DPP3: variants seen among roughly 807,000 people sequenced by gnomAD.
DPP3 encodes dipeptidyl peptidase 3.
DPP3 carries 64 observed loss-of-function variants against 89.8 expected under a neutral mutation model. The ratio of observed to expected loss-of-function variants is 0.71; its 90% CI spans 0.58 to 0.88. The LOEUF is 0.88. Ranked by LOEUF, DPP3 falls within the 40% of genes least tolerant of loss-of-function variation. DPP3 has a pLI of 0.00. For synonymous variants in DPP3, 377 were observed against 404.3 expected (o/e 0.93, Z 0.81); for missense variants, 835 against 972.5 (o/e 0.86, Z 1.88).
At chr11:66,490,208 CTTGT>C (rs984797744) in intron 6 of DPP3, among the ~76,000 whole-genome samples, 1 of 144,396 alleles carries the variant, frequency 6.9e-6, no homozygotes, top group African/African-American at 2.5e-5. Flanking sequence ...GCTATTTTTG[CTTGT>C]TTGTTTGTTT....
chr11:66,509,094 T>C lies in DPP3; in HGVS notation c.2057T>C (p.Leu686Pro). The change falls in exon 18 of 18, where the codon CTT (leucine) becomes CCT (proline). Residue 686 changes from leucine (L) to proline (P), a missense_variant. Physicochemically the swap from Leu to Pro is moderately conservative, Grantham distance 98. Coordinates refer to ENST00000531863, the MANE Select transcript of DPP3 (RefSeq NM_130443.4). Reference sequence around the variant, plus strand: ...TCCTCCCCAGGCTCAGACGTGCAGCTTCTGGAATACGAGGCGTCAGCTGCT... The same window carrying C: ...TCCTCCCCAGGCTCAGACGTGCAGCCTCTGGAATACGAGGCGTCAGCTGCT... ...NTRLEGSDVQ[L>P]LEYEASAAGL... 6.2e-7 allele frequency: 1 copy of C among 1,614,110 alleles called. No individual in the cohort carries two copies. The highest frequency in any genetic ancestry group is 8.5e-7 in the Non-Finnish European group (1 of 1,179,990).
intron 15 of DPP3, among the ~76,000 whole-genome samples, chr11:66,496,746 G>C (rs1021988131): frequency 6.6e-6 from 1 of 152,122 alleles, no homozygotes; most frequent in Admixed American, 6.6e-5. Flanking sequence ...AATCAAATAG[G>C]TGTGGTTTGA....
intron 16 of DPP3, among the ~76,000 whole-genome samples, chr11:66,502,974 TTATTA>T (rs1402267217): frequency 6.6e-6 from 1 of 152,064 alleles, no homozygotes; most frequent in Non-Finnish European, 1.5e-5. Context: ...TTTTATTTAT[TTATTA>T]TTTTTTTGAG....
At chr11:66,487,595 C>T (rs1024634410) in intron 5 of DPP3, among the ~76,000 whole-genome samples, 2 of 152,204 alleles carry the variant, frequency 1.3e-5, no homozygotes. Flanking sequence ...CTCAGCCACT[C>T]ACCAGCCATG....
At chr11:66,504,239 A>G (rs1053610166) in intron 16 of DPP3, among the ~76,000 whole-genome samples, 1 of 151,946 alleles carries the variant, frequency 6.6e-6, no homozygotes, top group South Asian at 2.1e-4. Context: ...GATTGCACGC[A>G]TGAGCCACCA....
At chr11:66,500,397 G>A (rs1413254784) in intron 16 of DPP3, among the ~76,000 whole-genome samples, 2 of 152,092 alleles carry the variant, frequency 1.3e-5, no homozygotes, top group Non-Finnish European at 2.9e-5. Flanking sequence ...AAGTGAAGGA[G>A]AAAAGATAAC....
rs1855213983 is a variant in DPP3, at chr11:66,485,924, TTTC to T, written c.361-613_361-611del. Among the ~76,000 whole-genome samples, 6 of 150,572 alleles carry T rather than the reference TTTC, an allele frequency of 4.0e-5. No individual in the cohort carries two copies. In the South Asian group the frequency reaches 1.3e-3, roughly 32 times the overall value. ...CCACACCAGCTAAATTTTCTTTTCTTTTCTTTTCTTTTCTTTTCTTTTCTTTTC... is the reference window on the plus strand; with the variant it reads ...CCACACCAGCTAAATTTTCTTTTCTTTTTTCTTTTCTTTTCTTTTCTTTTC... On this transcript the variant is annotated intron_variant, in intron 3 of 17. Transcript: ENST00000531863.
At chr11:66,506,354 A>G (rs959399948) in intron 17 of DPP3, among the ~76,000 whole-genome samples, 3 of 152,112 alleles carry the variant, frequency 2.0e-5, no homozygotes, top group Non-Finnish European at 4.4e-5. Flanking sequence ...TCCCGGGTTC[A>G]AGCGATTCTC....
At chr11:66,501,283 C>G (rs1163995030) in intron 16 of DPP3, among the ~76,000 whole-genome samples, 1 of 151,768 alleles carries the variant, frequency 6.6e-6, no homozygotes. Context: ...TCACTTGAAC[C>G]CGGGAGGTGG....
intron 16 of DPP3, among the ~76,000 whole-genome samples, chr11:66,504,212 A>T (rs1855747653): frequency 6.6e-6 from 1 of 150,774 alleles, no homozygotes; most frequent in Non-Finnish European, 1.5e-5. Context: ...CTCACCTCGG[A>T]CTCCCCAAGT....
intron 2 of DPP3, among the ~76,000 whole-genome samples, chr11:66,482,823 C>T (rs1855124381): frequency 1.3e-5 from 2 of 152,212 alleles, no homozygotes; most frequent in South Asian, 4.1e-4. Flanking sequence ...TTCTCTACCA[C>T]ACTGTGTGGC....
At chr11:66,482,120 C>A in intron 1 of DPP3, 73 bp from the exon 2 acceptor site, 1 of 1,563,428 alleles carries the variant, frequency 6.4e-7, no homozygotes, top group South Asian at 1.2e-5. Context: ...TAAATGAGAT[C>A]ATAAGAGTTC....
chr11:66,485,938 T>C (rs546663253), intron 3 of DPP3, among the ~76,000 whole-genome samples: 2 of 151,724 alleles, frequency 1.3e-5, no homozygotes, highest in South Asian at 4.2e-4. Context: ...TTTTCTTTTC[T>C]TTTCTTTTCT....
Position 66,485,195 on chromosome 11 carries a change from G to A in DPP3, c.293G>A (p.Gly98Asp). The A allele has an allele frequency of 1.2e-6, 2 of 1,614,180 alleles. No homozygotes were observed. The highest frequency in any genetic ancestry group is 1.7e-6 in the Non-Finnish European group (2 of 1,180,034). ...CAGGCGTTCCTGGTCTATGCCGCGG[G>A]TGTTTACTCCAACATGGGCAACTAC... is the stretch of plus-strand genomic sequence containing the variant. ...EYQAFLVYAA[G>D]VYSNMGNYKS... The change falls in exon 3 of 18, where the codon GGT becomes GAT. Residue 98 changes from glycine (G) to aspartate (D), a missense_variant. Physicochemically the swap from Gly to Asp is moderately conservative, Grantham distance 94 (BLOSUM62 -1). Coordinates refer to ENST00000531863, the MANE Select transcript of DPP3 (RefSeq NM_130443.4).
chr11:66,499,629 G>C (rs371943070), intron 16 of DPP3, among the ~76,000 whole-genome samples: 2 of 151,952 alleles, frequency 1.3e-5, no homozygotes, highest in Non-Finnish European at 2.9e-5. Context: ...AATTAGCTGG[G>C]CATGGTGGCA....
In DPP3 at chr11:66,485,183, T is replaced by C; in HGVS notation, c.281T>C (p.Val94Ala). The change falls in exon 3 of 18, where the codon GTC becomes GCC. Residue 94 changes from valine to alanine, a missense_variant. Coordinates refer to ENST00000531863, the MANE Select transcript of DPP3 (RefSeq NM_130443.4). The part of the protein sequence containing the change: ...LTEEEYQAFL[V>A]YAAGVYSNMG... ...CTGCCTCCCCCTCAGGCGTTCCTGG[T>C]CTATGCCGCGGGTGTTTACTCCAAC... The C allele has an allele frequency of 2.5e-6, 4 of 1,614,150 alleles. No homozygotes were observed. The highest frequency in any genetic ancestry group is 3.4e-6 in the Non-Finnish European group (4 of 1,180,032).
At chr11:66,502,588 G>T (rs1855706298) in intron 16 of DPP3, among the ~76,000 whole-genome samples, 1 of 152,108 alleles carries the variant, frequency 6.6e-6, no homozygotes, top group African/African-American at 2.4e-5. Flanking sequence ...TCGTGCCTCA[G>T]CCTCCCGAGT....
rs189571814 is a variant in DPP3 at position 66,501,357 on chromosome 11, G to A, written c.1879-3255G>A. Among the ~76,000 whole-genome samples, 906 of 150,248 alleles carry A rather than the reference G, an allele frequency of 6.0e-3. 8 individuals carry two copies. The highest frequency in any genetic ancestry group is 0.01 in the Middle Eastern group (3 of 288). On this transcript the variant is annotated intron_variant, in intron 16 of 17. Coordinates refer to ENST00000531863, the MANE Select transcript of DPP3 (RefSeq NM_130443.4). ...CCTGGGCAACAAGAGTGAAAATTAC[G>A]TCTCAAAAAAAAAAAGCACCAAATT...
intron 17 of DPP3, among the ~76,000 whole-genome samples, chr11:66,505,975 A>G (rs1006201798): frequency 1.3e-5 from 2 of 152,036 alleles, no homozygotes; most frequent in African/African-American, 4.8e-5. Flanking sequence ...TTTGAGACGG[A>G]GTCTCACTCT....
Sources: gnomAD v4.1 joint callset for allele counts (sites outside exome capture counted in the v4.1 genomes callset) on GRCh38, gnomAD v4.1.1 for gene constraint, MANE v1.5 for transcripts, NCBI Gene and HGNC (gene_info 2026-07-23, HGNC 2026-07-21) for gene names.